CACNA2D1: variants seen among roughly 807,000 people sequenced by gnomAD.
CACNA2D1 encodes the protein voltage-dependent calcium channel subunit alpha-2/delta-1.
Under a neutral mutation model 171.5 loss-of-function variants are expected in CACNA2D1, and 53 were observed. The observed-to-expected ratio is 0.31, with a 90% confidence interval of 0.25 to 0.39. The LOEUF (loss-of-function observed/expected upper bound fraction) is 0.39. Ranked by LOEUF, CACNA2D1 falls within the 10% of genes least tolerant of loss-of-function variation. CACNA2D1 has a pLI of 1.00. For missense variants in CACNA2D1, 903 were observed against 1,299.8 expected (o/e 0.69, Z 4.69); for synonymous variants, 442 against 443.1 (o/e 1.00, Z 0.03).
At chr7:82,037,559 G>T (rs1803449266) in intron 11 of CACNA2D1, among the ~76,000 whole-genome samples, 1 of 151,972 alleles carries the variant, frequency 6.6e-6, no homozygotes, top group Admixed American at 6.6e-5. Flanking sequence ...ATGAGTGATT[G>T]TGGGGAATCC....
At chr7:82,290,679 C>A (rs1160560876) in intron 3 of CACNA2D1, among the ~76,000 whole-genome samples, 1 of 151,482 alleles carries the variant, frequency 6.6e-6, no homozygotes, top group Non-Finnish European at 1.5e-5. Flanking sequence ...TCACCACAAC[C>A]TCTGCCTCCT....
In CACNA2D1 at chr7:82,012,420, G is replaced by A. The variant is rs113963863; in HGVS notation, c.1273-177C>T. 8.5e-3 allele frequency among the ~76,000 whole-genome samples: 1,290 copies of A among 152,140 alleles called. 18 individuals are homozygous for A. Among genetic ancestry groups the A allele is most frequent in the African/African-American group, 0.029 (1,215 of 41,502 alleles). ...GGTACTCCATAGGTGGTATGGCTAC[G>A]TTATTTTGAATGAACAATATTTGAC... On this transcript the variant is annotated intron_variant, in intron 14 of 38. Coordinates refer to ENST00000356860, the MANE Select transcript of CACNA2D1 (RefSeq NM_000722.4).
intron 3 of CACNA2D1, among the ~76,000 whole-genome samples, chr7:82,274,567 T>C (rs1204143454): frequency 6.6e-6 from 1 of 152,186 alleles, no homozygotes; most frequent in Non-Finnish European, 1.5e-5. Context: ...ACTCTAATTT[T>C]TCTTCCTACA....
intron 1 of CACNA2D1, among the ~76,000 whole-genome samples, chr7:82,424,191 T>G (rs1828971197): frequency 6.6e-6 from 1 of 152,112 alleles, no homozygotes; most frequent in African/African-American, 2.4e-5. Flanking sequence ...AGAAAAATCC[T>G]GAACAAATCA....
chr7:82,155,997 T>G (rs1488307741), intron 4 of CACNA2D1, among the ~76,000 whole-genome samples: 1 of 152,106 alleles, frequency 6.6e-6, no homozygotes, highest in Non-Finnish European at 1.5e-5. Context: ...CTCACCTAAT[T>G]CTTGTAACAC....
intron 1 of CACNA2D1, among the ~76,000 whole-genome samples, chr7:82,416,152 T>G (rs1039515622): frequency 2.0e-5 from 3 of 151,986 alleles, no homozygotes; most frequent in Non-Finnish European, 4.4e-5. Flanking sequence ...GAGGCAGAGG[T>G]TGCAGTTAGC....
At chr7:82,315,974 T>G (rs2129435466) in intron 3 of CACNA2D1, among the ~76,000 whole-genome samples, 1 of 152,198 alleles carries the variant, frequency 6.6e-6, no homozygotes, top group East Asian at 1.9e-4. Context: ...TGTTTTTTTT[T>G]TAAATATTAT....
rs536782208 is a variant in CACNA2D1, at chr7:82,097,040, A to C, written c.527-12140T>G. On this transcript the variant is annotated intron_variant, in intron 6 of 38. Coordinates refer to ENST00000356860, the MANE Select transcript of CACNA2D1 (RefSeq NM_000722.4). ...GGGGCAGGGTAGAAGTAGTGGTCAC[A>C]AAAGATTTTCTGAAAGAGGTGATAA... 7.5e-4 allele frequency among the ~76,000 whole-genome samples: 114 copies of C among 152,240 alleles called. 1 individual carries two copies. Among genetic ancestry groups the C allele is most frequent in the African/African-American group, 2.6e-3 (110 of 41,550 alleles).
At chr7:82,332,526 G>GAGAAAGAAAGAAAGA (rs1563381031) in intron 3 of CACNA2D1, among the ~76,000 whole-genome samples, 2 of 51,202 alleles carry the variant, frequency 3.9e-5, no homozygotes, top group Non-Finnish European at 1.1e-4. Context: ...AAGAAAGAAA[G>GAGAAAGAAAGAAAGA]AAAGAAAGAA....
intron 3 of CACNA2D1, among the ~76,000 whole-genome samples, chr7:82,317,385 G>T (rs1815253450): frequency 6.6e-6 from 1 of 152,166 alleles, no homozygotes; most frequent in African/African-American, 2.4e-5. Context: ...CGGCTGAGAG[G>T]AAAAGTATGG....
intron 3 of CACNA2D1, among the ~76,000 whole-genome samples, chr7:82,243,885 A>C (rs1804609629): frequency 6.6e-6 from 1 of 152,316 alleles, no homozygotes; most frequent in South Asian, 2.1e-4. Flanking sequence ...TCTTTTACTT[A>C]AAGGTCAAAA....
At chr7:82,121,732 TA>T (rs1235249475) in intron 5 of CACNA2D1, among the ~76,000 whole-genome samples, 1 of 149,496 alleles carries the variant, frequency 6.7e-6, no homozygotes, top group Non-Finnish European at 1.5e-5. Flanking sequence ...ATTTTGAAAT[TA>T]TGTATTTAAT....
rs79771243 is a variant in CACNA2D1 at position 82,090,001 on chromosome 7, T to A, written c.527-5101A>T. 8.5e-3 allele frequency among the ~76,000 whole-genome samples: 1,296 copies of A among 152,324 alleles called. 23 individuals are homozygous for A. Among genetic ancestry groups the A allele is most frequent in the African/African-American group, 0.03 (1,232 of 41,580 alleles). On this transcript the variant is annotated intron_variant, in intron 6 of 38. Coordinates refer to ENST00000356860, the MANE Select transcript of CACNA2D1 (RefSeq NM_000722.4). Reference sequence around the variant, plus strand: ...TTTTGTAACAGCTTTGAGATGTCATTGACATATAAAATAGTATAAAGTATG... The same window carrying A: ...TTTTGTAACAGCTTTGAGATGTCATAGACATATAAAATAGTATAAAGTATG...
At chr7:82,138,449 G>GT (rs5885271) in intron 4 of CACNA2D1, among the ~76,000 whole-genome samples, 2,286 of 101,522 alleles carry the variant, frequency 0.023, 41 homozygotes, top group Non-Finnish European at 0.034. Context: ...TGTTTTTTTT[G>GT]TTTTTTTTTT....
intron 3 of CACNA2D1, among the ~76,000 whole-genome samples, chr7:82,324,569 TC>T (rs761092128): frequency 1.2e-4 from 18 of 152,086 alleles, no homozygotes; most frequent in Non-Finnish European, 2.5e-4. Context: ...CACCATCACT[TC>T]TGTTTGGCCC....
intron 1 of CACNA2D1, among the ~76,000 whole-genome samples, chr7:82,367,937 A>G (rs1821931051): frequency 6.6e-6 from 1 of 152,194 alleles, no homozygotes; most frequent in South Asian, 2.1e-4. Flanking sequence ...TGTATATAAA[A>G]TGTCCACAAA....
At chr7:82,398,442 G>A (rs1436273002) in intron 1 of CACNA2D1, among the ~76,000 whole-genome samples, 1 of 152,178 alleles carries the variant, frequency 6.6e-6, no homozygotes, top group African/African-American at 2.4e-5. Context: ...ATGTGTGTAT[G>A]TGTATACTCA....
chr7:82,060,183 A>G (rs1384861236), intron 10 of CACNA2D1, among the ~76,000 whole-genome samples: 1 of 12,894 alleles, frequency 7.8e-5, no homozygotes, highest in African/African-American at 2.8e-4. Flanking sequence ...TATATAATAT[A>G]TATATATTAT....
intron 1 of CACNA2D1, among the ~76,000 whole-genome samples, chr7:82,351,424 TA>T (rs1385753026): frequency 6.6e-6 from 1 of 151,838 alleles, no homozygotes; most frequent in Non-Finnish European, 1.5e-5. Flanking sequence ...AAGCCAGTTA[TA>T]AAAAAGGATG....
Sources: gnomAD v4.1 joint callset for allele counts (sites outside exome capture counted in the v4.1 genomes callset) on GRCh38, gnomAD v4.1.1 for gene constraint, MANE v1.5 for transcripts, NCBI Gene and HGNC (gene_info 2026-07-23, HGNC 2026-07-21) for gene names.